TCF4: variants seen among roughly 807,000 people sequenced by gnomAD.
TCF4 encodes SL3-3 enhancer factor 2.
Under a neutral mutation model 82.1 loss-of-function variants are expected in TCF4, and 3 were observed. The ratio of observed to expected loss-of-function variants is 0.04; its 90% CI spans 0.02 to 0.09. TCF4 has a LOEUF of 0.09. Ranked by LOEUF, TCF4 falls within the 10% of genes least tolerant of loss-of-function variation. The probability of loss-of-function intolerance (pLI) is 1.00; values close to 1 mark genes in which losing one functional copy is unlikely to be tolerated. For synonymous variants in TCF4, 276 were observed against 309.6 expected, an observed-to-expected ratio of 0.89 and a Z score of 1.14; for missense variants, 518 against 852.7, an observed-to-expected ratio of 0.61 and a Z score of 4.89.
intron 8 of TCF4, among the ~76,000 whole-genome samples, chr18:55,311,409 G>A (rs2072388722): frequency 6.6e-6 from 1 of 152,214 alleles, no homozygotes; most frequent in African/African-American, 2.4e-5. Flanking sequence ...CCAGTAGCAA[G>A]CTCCTGCCTG....
intron 6 of TCF4, among the ~76,000 whole-genome samples, chr18:55,373,556 T>C (rs2089924907): frequency 6.6e-6 from 1 of 152,176 alleles, no homozygotes; most frequent in Admixed American, 6.5e-5. Context: ...CTCACGCCTG[T>C]AATCCCAGCA....
chr18:55,499,886 A>G (rs1258994648), intron 3 of TCF4, among the ~76,000 whole-genome samples: 1 of 152,216 alleles, frequency 6.6e-6, no homozygotes, highest in East Asian at 1.9e-4. Flanking sequence ...CAATGTCTGC[A>G]TATTTTAAAA....
chr18:55,580,927 C>A (rs1464053549), intron 3 of TCF4, among the ~76,000 whole-genome samples: 1 of 151,950 alleles, frequency 6.6e-6, no homozygotes, highest in African/African-American at 2.4e-5. Flanking sequence ...TCATTAGGTT[C>A]TTGTTAGGAT....
chr18:55,246,636 A>T (rs1024550716), intron 15 of TCF4, among the ~76,000 whole-genome samples: 1 of 152,204 alleles, frequency 6.6e-6, no homozygotes, highest in Non-Finnish European at 1.5e-5. Flanking sequence ...ATCAAATGGT[A>T]AGCTCAAGGA....
At chr18:55,621,704 TTA>T (rs1310703046) in intron 2 of TCF4, among the ~76,000 whole-genome samples, 1 of 87,262 alleles carries the variant, frequency 1.1e-5, no homozygotes, top group Non-Finnish European at 2.0e-5. Flanking sequence ...ATAATATATA[TTA>T]TATAATATAT....
intron 3 of TCF4, among the ~76,000 whole-genome samples, chr18:55,549,895 C>T (rs1298305370): frequency 6.6e-6 from 1 of 152,170 alleles, no homozygotes; most frequent in Non-Finnish European, 1.5e-5. Flanking sequence ...AGCTTACTCC[C>T]GGTCCAGATG....
chr18:55,234,352 G>A lies in TCF4; in HGVS notation c.1486+196C>T, dbSNP rs147111521. On this transcript the variant is annotated intron_variant, in intron 16 of 19. Transcript: ENST00000354452. ...GACCAGGATTTCAGAGGATGTTTGA[G>A]GAAAACAGTCCCTGGAGAAACACAA... 7.2e-4 allele frequency: 518 copies of A among 721,416 alleles called. 3 individuals are homozygous for A. In the African/African-American group the frequency reaches 8.0e-3, roughly 11 times the overall value. 44.7% of individuals were successfully genotyped at this position (721,416 alleles called of 1,614,324 possible). A position where few individuals can be genotyped will look rare whatever the true frequency, so the allele number is the denominator to read the frequency against.
chr18:55,350,305 A>G, intron 8 of TCF4, 54 bp downstream of exon 8: 1 of 1,571,602 alleles, frequency 6.4e-7, no homozygotes, highest in South Asian at 1.1e-5. Context: ...CTTCCCATCA[A>G]TACAAAACAG....
At chr18:55,516,450 C>G (rs1482367875) in intron 3 of TCF4, among the ~76,000 whole-genome samples, 1 of 151,586 alleles carries the variant, frequency 6.6e-6, no homozygotes, top group African/African-American at 2.4e-5. Flanking sequence ...GTGAACCCAA[C>G]CAGAAGACTG....
At chr18:55,331,536 C>T in intron 8 of TCF4, among the ~76,000 whole-genome samples, 1 of 152,108 alleles carries the variant, frequency 6.6e-6, no homozygotes, top group East Asian at 1.9e-4. Context: ...GATTTATTTC[C>T]TTCCTTTCCA....
upstream of TCF4, among the ~76,000 whole-genome samples, chr18:55,591,815 C>T (rs758732664): frequency 3.9e-5 from 6 of 152,192 alleles, no homozygotes; most frequent in Non-Finnish European, 7.3e-5. Flanking sequence ...CTGCACCCAG[C>T]CCCCTTCTGC....
intron 6 of TCF4, among the ~76,000 whole-genome samples, chr18:55,362,365 G>GGAAGGAAAGAAGGAAGGAAGGAAA: frequency 1.1e-5 from 1 of 88,780 alleles, no homozygotes; most frequent in Non-Finnish European, 2.2e-5. Flanking sequence ...AAGGAAGGAA[G>GGAAGGAAAGAAGGAAGGAAGGAAA]GAAGGAAGGA....
chr18:55,279,715 C>T, intron 8 of TCF4, 59 bp from the exon 9 acceptor site: 4 of 1,609,344 alleles, frequency 2.5e-6, no homozygotes, highest in Non-Finnish European at 3.4e-6. Flanking sequence ...AGCCCAAGCT[C>T]CATTCTTATA....
intron 2 of TCF4, among the ~76,000 whole-genome samples, chr18:55,597,496 C>T (rs955740206): frequency 1.3e-5 from 2 of 151,916 alleles, no homozygotes; most frequent in Admixed American, 6.6e-5. Flanking sequence ...GAAAGCCTGT[C>T]TTTACTAAAA....
intron 3 of TCF4, 91 bp from the exon 4 acceptor site, chr18:55,464,228 C>T: frequency 8.7e-7 from 1 of 1,155,516 alleles, no homozygotes; most frequent in Non-Finnish European, 1.3e-6. Context: ...AAATTAATCT[C>T]CTGTTGCCTT....
intron 3 of TCF4, among the ~76,000 whole-genome samples, chr18:55,476,954 A>G (rs1426212261): frequency 1.3e-5 from 2 of 152,150 alleles, no homozygotes; most frequent in African/African-American, 4.8e-5. Context: ...TGTGTGTAAA[A>G]TCAGCATACA....
intron 17 of TCF4, 131 bp downstream of exon 17, chr18:55,232,378 A>T (rs1003242045): frequency 9.7e-6 from 9 of 930,082 alleles, no homozygotes; most frequent in Non-Finnish European, 1.5e-5. Flanking sequence ...CTTCTAGAGT[A>T]GGCCTTTAAT....
chr18:55,453,043 C>A (rs1475262621), intron 5 of TCF4, among the ~76,000 whole-genome samples: 1 of 152,088 alleles, frequency 6.6e-6, no homozygotes, highest in Non-Finnish European at 1.5e-5. Flanking sequence ...TTGAACACTG[C>A]AAGTTAGTAA....
chr18:55,274,205 G>C (rs1324903608), intron 10 of TCF4, among the ~76,000 whole-genome samples: 1 of 152,140 alleles, frequency 6.6e-6, no homozygotes, highest in Non-Finnish European at 1.5e-5. Context: ...TGATATAGTT[G>C]ATATTTCTCT....
Sources: allele counts gnomAD v4.1 joint callset (sites outside exome capture counted in the v4.1 genomes callset), GRCh38; gene constraint gnomAD v4.1.1; transcripts MANE v1.5; gene names NCBI Gene and HGNC (gene_info 2026-07-23, HGNC 2026-07-21).